The following TMEM65 variants were observed in gnomAD, a reference collection of about 807,000 sequenced individuals.
The protein encoded by TMEM65 is transmembrane protein 65.
TMEM65 carries 22 observed loss-of-function variants against 25.4 expected under a neutral mutation model. The ratio of observed to expected loss-of-function variants is 0.86; its 90% CI spans 0.62 to 1.23. TMEM65 has a LOEUF of 1.23. Ranked by LOEUF, TMEM65 falls within the 50% of genes most tolerant of loss-of-function variation. The pLI, the probability that TMEM65 is intolerant of heterozygous loss-of-function variation, is 0.00. For synonymous variants in TMEM65, 132 were observed against 126.2 expected, an observed-to-expected ratio of 1.05 and a Z score of -0.31; for missense variants, 262 against 308.2, an observed-to-expected ratio of 0.85 and a Z score of 1.12.
chr8:124,345,914 T>G (rs1014515155), intron 1 of TMEM65, among the ~76,000 whole-genome samples: 1 of 152,042 alleles, frequency 6.6e-6, no homozygotes, highest in Admixed American at 6.6e-5. Flanking sequence ...TAGCTAATTT[T>G]TGTATATTTT....
intron 3 of TMEM65, among the ~76,000 whole-genome samples, chr8:124,325,146 G>C (rs992875014): frequency 5.9e-5 from 9 of 151,798 alleles, no homozygotes; most frequent in African/African-American, 2.2e-4. Flanking sequence ...ACTACAACTA[G>C]GGTGGGAAAG....
At chr8:124,314,363 T>C (rs1210744690) in intron 6 of TMEM65, among the ~76,000 whole-genome samples, 3 of 152,248 alleles carry the variant, frequency 2.0e-5, no homozygotes, top group African/African-American at 7.2e-5. Context: ...CGGGTCTATA[T>C]TCTACTTAAA....
At chr8:124,329,001 A>T (rs1282487097) in intron 2 of TMEM65, among the ~76,000 whole-genome samples, 1 of 152,036 alleles carries the variant, frequency 6.6e-6, no homozygotes, top group Non-Finnish European at 1.5e-5. Context: ...ATACTATTAT[A>T]TTCAATATTA....
At chr8:124,348,667 T>C (rs1464466920) in intron 1 of TMEM65, among the ~76,000 whole-genome samples, 2 of 152,164 alleles carry the variant, frequency 1.3e-5, no homozygotes, top group Non-Finnish European at 2.9e-5. Flanking sequence ...CTACACAGAT[T>C]CGTAAAAGTT....
rs377179427 is a variant in TMEM65, at chr8:124,312,131, C to T, written c.*1829G>A. On this transcript the variant is annotated 3_prime_UTR_variant, in exon 7 of 7. Transcript: ENST00000297632. Reference sequence around the variant, plus strand: ...TACACTTTACCCCACCCTTCCCCCCCCAAAAATTTAAGCACTCTAATCCTA... The same window carrying T: ...TACACTTTACCCCACCCTTCCCCCCTCAAAAATTTAAGCACTCTAATCCTA... 9 of 151,900 alleles carry T rather than the reference C, an allele frequency of 5.9e-5. No homozygotes were observed. The highest frequency in any genetic ancestry group is 7.4e-5 in the Non-Finnish European group (5 of 67,776). 9.4% of individuals were successfully genotyped at this position (151,900 alleles called of 1,614,324 possible).
Position 124,359,202 on chromosome 8 carries a change from G to T in TMEM65, c.304+12652C>A, listed in dbSNP as rs936406426. Among the ~76,000 whole-genome samples, 22 of 152,152 alleles carry T rather than the reference G, an allele frequency of 1.4e-4. 1 individual carries two copies. The highest frequency in any genetic ancestry group is 5.3e-4 in the African/African-American group (22 of 41,424). On this transcript the variant is annotated intron_variant, in intron 1 of 6. Coordinates refer to ENST00000297632, the MANE Select transcript of TMEM65 (RefSeq NM_194291.3). ...AAAAATCACTGTTTAAATTGATCAA[G>T]GTGATCCAAGAGCCAAAGCCAAATA...
chr8:124,366,875 A>G (rs1814946089), intron 1 of TMEM65, among the ~76,000 whole-genome samples: 1 of 152,156 alleles, frequency 6.6e-6, no homozygotes, highest in South Asian at 2.1e-4. Flanking sequence ...TTGGTAAAAT[A>G]ACTGATTGTA....
At chr8:124,331,922 T>C (rs543241548) in intron 1 of TMEM65, among the ~76,000 whole-genome samples, 2 of 152,204 alleles carry the variant, frequency 1.3e-5, no homozygotes, top group South Asian at 2.1e-4. Context: ...TGGTCCACAT[T>C]AGTGACTGGT....
At position 124,307,741 on chromosome 8, in the gene TMEM65, A is replaced by G. The variant is rs1045408169; in HGVS notation, c.*6219T>C. 2.0e-5 allele frequency: 3 copies of G among 152,178 alleles called. No individual in the cohort carries two copies. The highest frequency in any genetic ancestry group is 7.2e-5 in the African/African-American group (3 of 41,436). 9.4% of individuals were successfully genotyped at this position (152,178 alleles called of 1,614,324 possible). A position where few individuals can be genotyped will look rare whatever the true frequency, so the allele number is the denominator to read the frequency against. ...GAAGTTTGGCTTTAAAAATGTTAAG[A>G]TAACAGAAGAGGCAGCTCCTGATGA... On this transcript the variant is annotated 3_prime_UTR_variant, in exon 7 of 7. Coordinates refer to ENST00000297632, the MANE Select transcript of TMEM65 (RefSeq NM_194291.3).
At chr8:124,335,394 A>G (rs535834089) in intron 1 of TMEM65, among the ~76,000 whole-genome samples, 120 of 152,312 alleles carry the variant, frequency 7.9e-4, no homozygotes, top group Middle Eastern at 6.8e-3. Flanking sequence ...GTTGAAAAGT[A>G]AATTCTTGAG....
intron 1 of TMEM65, among the ~76,000 whole-genome samples, chr8:124,357,965 G>C (rs1001062212): frequency 6.6e-6 from 1 of 151,190 alleles, no homozygotes; most frequent in Non-Finnish European, 1.5e-5. Context: ...GAGTAGCTTG[G>C]ATTACAGGCA....
At chr8:124,352,496 A>G (rs1814724253) in intron 1 of TMEM65, among the ~76,000 whole-genome samples, 1 of 133,866 alleles carries the variant, frequency 7.5e-6, no homozygotes, top group Non-Finnish European at 1.5e-5. Flanking sequence ...ATAAAATAAA[A>G]TAAAATAAAA....
Position 124,308,865 on chromosome 8 carries a change from C to CTAT in TMEM65, c.*5094_*5095insATA, listed in dbSNP as rs1814124761. On this transcript the variant is annotated 3_prime_UTR_variant, in exon 7 of 7. Coordinates refer to ENST00000297632, the MANE Select transcript of TMEM65 (RefSeq NM_194291.3). ...CAAATGGTGGAAGAAGGATTAATACCATATATAGAAATATTTTGAGAAATG... is the reference window on the plus strand; with the variant it reads ...CAAATGGTGGAAGAAGGATTAATACCTATATATATAGAAATATTTTGAGAAATG... The CTAT allele has an allele frequency of 1.3e-5, 2 of 152,112 alleles. No homozygotes were observed. Among genetic ancestry groups the CTAT allele is most frequent in the Admixed American group, 6.5e-5 (1 of 15,272 alleles). 9.4% of individuals were successfully genotyped at this position (152,112 alleles called of 1,614,324 possible). A position where few individuals can be genotyped will look rare whatever the true frequency, so the allele number is the denominator to read the frequency against.
chr8:124,368,568 ACTCGCTCTCTCTTGCTCT>A (rs1355710938), intron 1 of TMEM65, among the ~76,000 whole-genome samples: 12 of 152,098 alleles, frequency 7.9e-5, no homozygotes, highest in African/African-American at 2.4e-4. Context: ...TTGCAAACAC[ACTCGCTCTCTCTTGCTCT>A]CTCGCTCTCT....
At chr8:124,369,151 T>C (rs976374887) in intron 1 of TMEM65, among the ~76,000 whole-genome samples, 6 of 152,206 alleles carry the variant, frequency 3.9e-5, no homozygotes, top group African/African-American at 1.4e-4. Context: ...AGAAGAGAGA[T>C]CAGGCTGAGC....
At position 124,372,005 on chromosome 8, in the gene TMEM65, G is replaced by A. The variant is rs1815023082; in HGVS notation, c.153C>T (p.Pro51=). The A allele has an allele frequency of 3.0e-6, 4 of 1,332,978 alleles. No homozygotes were observed. In the African/African-American group the frequency reaches 4.6e-5, roughly 15 times the overall value. The allele number at this position is 1,332,978 out of a possible 1,614,324, so 82.6% of individuals were successfully genotyped here. A position where few individuals can be genotyped will look rare whatever the true frequency, so the allele number is the denominator to read the frequency against. The stretch of plus-strand genomic sequence containing the variant: ...TCTTGGGGTGCGTGCCCAGCCGCCT[G>A]GGGCCGCCCGGCAAGCCGCCGGGGG... ...LAPPGGLPGG[P]RRLGTHPKKE... The change falls in exon 1 of 7, where the codon CCC becomes CCT. Residue 51 remains proline (P), a synonymous_variant. Transcript: ENST00000297632.
At chr8:124,361,532 TA>T (rs911595767) in intron 1 of TMEM65, among the ~76,000 whole-genome samples, 1 of 150,268 alleles carries the variant, frequency 6.7e-6, no homozygotes, top group African/African-American at 2.5e-5. Context: ...ACAGAGTGTT[TA>T]AAAAAAAGCA....
intron 1 of TMEM65, among the ~76,000 whole-genome samples, chr8:124,358,020 C>A (rs956887491): frequency 6.6e-6 from 1 of 151,466 alleles, no homozygotes; most frequent in Non-Finnish European, 1.5e-5. Context: ...AGTAGAGACA[C>A]GGTTTCGCCA....
intron 3 of TMEM65, among the ~76,000 whole-genome samples, chr8:124,326,256 T>C (rs1814364904): frequency 1.3e-5 from 2 of 152,048 alleles, no homozygotes; most frequent in Admixed American, 1.3e-4. Flanking sequence ...CTAAATGTAC[T>C]GAAGATCTAT....
Sources: gnomAD v4.1 joint callset for allele counts (sites outside exome capture counted in the v4.1 genomes callset) on GRCh38, gnomAD v4.1.1 for gene constraint, MANE v1.5 for transcripts, NCBI Gene and HGNC (gene_info 2026-07-23, HGNC 2026-07-21) for gene names.